RNF11: variants seen among roughly 807,000 people sequenced by gnomAD.
The protein encoded by RNF11 is ring finger protein 11.
A neutral mutation model predicts 15.8 loss-of-function variants in RNF11; 4 were observed. The observed-to-expected ratio is 0.25, with a 90% CI of 0.12 to 0.58. The LOEUF (loss-of-function observed/expected upper bound fraction) is 0.58, where lower values mean the gene tolerates loss of function less well. RNF11 is among the 20% of genes least tolerant of loss of function. RNF11 has a pLI of 0.91. For synonymous variants in RNF11, 68 were observed against 72.3 expected (o/e 0.94, Z 0.30); for missense variants, 139 against 194.4 (o/e 0.71, Z 1.70).
At chr1:51,255,238 T>C (rs1325722178) in intron 1 of RNF11, among the ~76,000 whole-genome samples, 1 of 152,208 alleles carries the variant, frequency 6.6e-6, no homozygotes, top group Non-Finnish European at 1.5e-5. Flanking sequence ...GTTTGTACTC[T>C]GGATAAGTTT....
intron 1 of RNF11, among the ~76,000 whole-genome samples, chr1:51,260,066 T>G (rs79262778): frequency 6.6e-6 from 1 of 152,336 alleles, no homozygotes; most frequent in Non-Finnish European, 1.5e-5. Flanking sequence ...GTTTGTAAGT[T>G]TAGTTAATTG....
chr1:51,245,728 G>A (rs1384741234), intron 1 of RNF11, among the ~76,000 whole-genome samples: 1 of 152,128 alleles, frequency 6.6e-6, no homozygotes, highest in Non-Finnish European at 1.5e-5. Flanking sequence ...GAGATTACAG[G>A]CGTGAGCTAC....
intron 1 of RNF11, among the ~76,000 whole-genome samples, chr1:51,239,707 A>T (rs1646820282): frequency 6.6e-6 from 1 of 152,172 alleles, no homozygotes; most frequent in Admixed American, 6.5e-5. Flanking sequence ...TAGCTACCTC[A>T]CACAGCAGAT....
intron 1 of RNF11, among the ~76,000 whole-genome samples, chr1:51,247,210 A>AT (rs879325944): frequency 4.4e-4 from 64 of 146,056 alleles, no homozygotes; most frequent in Admixed American, 4.8e-4. Context: ...GTGTGTAGTT[A>AT]TTTTTTTTTT....
intron 1 of RNF11, among the ~76,000 whole-genome samples, chr1:51,254,156 ACCCCC>A (rs1646893851): frequency 6.6e-6 from 1 of 151,908 alleles, no homozygotes; most frequent in South Asian, 2.1e-4. Context: ...TAAAACTTTA[ACCCCC>A]TTTGTGTTGG....
Position 51,272,527 on chromosome 1 carries a change from A to G in RNF11, c.*1205A>G, listed in dbSNP as rs1646984098. The G allele has an allele frequency of 6.6e-6, 1 of 152,622 alleles. No individual in the cohort carries two copies. Among genetic ancestry groups the G allele is most frequent in the South Asian group, 2.1e-4 (1 of 4,834 alleles). 9.5% of individuals were successfully genotyped at this position (152,622 alleles called of 1,614,324 possible). A position where few individuals can be genotyped will look rare whatever the true frequency, so the allele number is the denominator to read the frequency against. On this transcript the variant is annotated 3_prime_UTR_variant, in exon 3 of 3. Transcript: ENST00000242719. The stretch of plus-strand genomic sequence containing the variant: ...ATATGACTTCATAGTTGTGATCTCA[A>G]AAAAGAAGGAATTTCTCCTTTGTTT...
chr1:51,246,406 C>A (rs758991070), intron 1 of RNF11, among the ~76,000 whole-genome samples: 1 of 151,594 alleles, frequency 6.6e-6, no homozygotes, highest in Non-Finnish European at 1.5e-5. Flanking sequence ...GAGATCTCGT[C>A]TCTACAAAAA....
intron 1 of RNF11, among the ~76,000 whole-genome samples, chr1:51,264,757 C>T (rs1646947500): frequency 6.6e-6 from 1 of 152,152 alleles, no homozygotes; most frequent in African/African-American, 2.4e-5. Context: ...TATTTAGGCA[C>T]TTCCCCACTG....
chr1:51,244,607 C>G (rs1426127752), intron 1 of RNF11, among the ~76,000 whole-genome samples: 2 of 152,120 alleles, frequency 1.3e-5, no homozygotes, highest in African/African-American at 4.8e-5. Context: ...ATCTCCTGAC[C>G]TTGTGATCCT....
At chr1:51,245,344 G>A (rs866051454) in intron 1 of RNF11, among the ~76,000 whole-genome samples, 2 of 152,096 alleles carry the variant, frequency 1.3e-5, no homozygotes, top group Admixed American at 1.3e-4. Flanking sequence ...GTAGAGACGG[G>A]GTCTCACTAT....
At chr1:51,247,945 G>C (rs998069609) in intron 1 of RNF11, among the ~76,000 whole-genome samples, 30 of 152,126 alleles carry the variant, frequency 2.0e-4, no homozygotes, top group African/African-American at 7.0e-4. Context: ...AGAAGAGTGA[G>C]ACTTTATAAT....
At position 51,273,409 on chromosome 1, in the gene RNF11, T is replaced by C. The variant is rs993361273; in HGVS notation, c.*2087T>C. The stretch of plus-strand genomic sequence containing the variant: ...TGTTAAGAACCATCAATTTTGACTT[T>C]TACTAAGTTGTTAAATAAAGTTATA... On this transcript the variant is annotated 3_prime_UTR_variant, in exon 3 of 3. Coordinates refer to ENST00000242719, the MANE Select transcript of RNF11 (RefSeq NM_014372.5). 3 of 152,208 alleles carry C rather than the reference T, an allele frequency of 2.0e-5. No individual in the cohort carries two copies. Among genetic ancestry groups the C allele is most frequent in the African/African-American group, 7.2e-5 (3 of 41,452 alleles). The allele number at this position is 152,208 out of a possible 1,614,324, so 9.4% of individuals were successfully genotyped here. A position where few individuals can be genotyped will look rare whatever the true frequency, so the allele number is the denominator to read the frequency against.
At chr1:51,239,295 G>A (rs2148063791) in intron 1 of RNF11, among the ~76,000 whole-genome samples, 1 of 152,276 alleles carries the variant, frequency 6.6e-6, no homozygotes, top group African/African-American at 2.4e-5. Flanking sequence ...TGATGATGAG[G>A]GATGAGGGGT....
At chr1:51,255,579 T>G (rs1646900889) in intron 1 of RNF11, among the ~76,000 whole-genome samples, 1 of 152,228 alleles carries the variant, frequency 6.6e-6, no homozygotes, top group Non-Finnish European at 1.5e-5. Flanking sequence ...CTTGCTGGTG[T>G]TTTTGGAAGC....
chr1:51,249,637 T>C (rs1646867939), intron 1 of RNF11, among the ~76,000 whole-genome samples: 1 of 152,210 alleles, frequency 6.6e-6, no homozygotes. Context: ...GTAATGGCAG[T>C]AGTTCACATT....
At chr1:51,254,238 G>T (rs1030400893) in intron 1 of RNF11, among the ~76,000 whole-genome samples, 3 of 152,024 alleles carry the variant, frequency 2.0e-5, no homozygotes, top group Non-Finnish European at 4.4e-5. Flanking sequence ...ATAAAACATG[G>T]TCTCCTTGAT....
chr1:51,244,253 G>A (rs1026268149), intron 1 of RNF11, among the ~76,000 whole-genome samples: 4 of 152,214 alleles, frequency 2.6e-5, no homozygotes, highest in African/African-American at 9.6e-5. Context: ...GTGTGCAATT[G>A]TATGGTTGTT....
rs1265531350 is a variant in RNF11, at chr1:51,236,867, G to A, written c.111G>A (p.Pro37=). The A allele has an allele frequency of 6.2e-7, 1 of 1,609,616 alleles. No homozygotes were observed. Among genetic ancestry groups the A allele is most frequent in the African/African-American group, 1.3e-5 (1 of 74,834 alleles). The change falls in exon 1 of 3, where the codon CCG becomes CCA. Residue 37 remains proline, a synonymous_variant. Coordinates refer to ENST00000242719, the MANE Select transcript of RNF11 (RefSeq NM_014372.5). ...GGACGGAGCCGGATCAGGAGCCGCC[G>A]CCGCCATATCAGGTAGGGGAGGGTG... ...GEGTEPDQEP[P]PPYQEQVPVP...
chr1:51,262,493 G>A (rs1030810933), intron 1 of RNF11, among the ~76,000 whole-genome samples: 5 of 152,072 alleles, frequency 3.3e-5, no homozygotes, highest in East Asian at 1.9e-4. Context: ...TTCAAATAAC[G>A]TAAAGAAAGT....
Sources: allele counts gnomAD v4.1 joint callset (sites outside exome capture counted in the v4.1 genomes callset), GRCh38; gene constraint gnomAD v4.1.1; transcripts MANE v1.5; gene names NCBI Gene and HGNC (gene_info 2026-07-23, HGNC 2026-07-21).